MFF: variants seen among roughly 807,000 people sequenced by gnomAD.
The protein encoded by MFF is mitochondrial fission factor, also known as chromosome 2 open reading frame 33.
Under a neutral mutation model 36.9 loss-of-function variants are expected in MFF, and 12 were observed. That is an observed-to-expected ratio of 0.33 (90% CI 0.21 to 0.53). MFF has a LOEUF of 0.53. Among genes scored for constraint, MFF ranks in the 20% least tolerant of loss-of-function variants. The pLI is 0.95. For missense variants in MFF, 348 were observed against 366.6 expected, an observed-to-expected ratio of 0.95 and a Z score of 0.42; for synonymous variants, 99 against 126.2, an observed-to-expected ratio of 0.78 and a Z score of 1.44.
chr2:227,355,642 T>C lies in MFF; in HGVS notation c.660-35T>C, dbSNP rs776013702. 7 of 1,143,150 alleles carry C rather than the reference T, an allele frequency of 6.1e-6. No individual in the cohort carries two copies. In the African/African-American group the frequency reaches 1.3e-4, roughly 22 times the overall value. 70.8% of individuals were successfully genotyped at this position (1,143,150 alleles called of 1,614,324 possible). A position where few individuals can be genotyped will look rare whatever the true frequency, so the allele number is the denominator to read the frequency against. The stretch of plus-strand genomic sequence containing the variant: ...GTGCCATTTACTCTGAGTTCTACTT[T>C]ACTATTCATTTGTATTTCTATCTCT... On this transcript the variant is annotated intron_variant, in intron 7 of 8. Coordinates refer to ENST00000304593, the MANE Select transcript of MFF (RefSeq NM_001277062.2).
rs979897547 is a variant in MFF at position 227,330,513 on chromosome 2, C to G, written c.-40-113C>G. 49 of 682,162 alleles carry G rather than the reference C, an allele frequency of 7.2e-5. No homozygotes were observed. In the South Asian group the frequency reaches 1.0e-3, roughly 14 times the overall value. 42.3% of individuals were successfully genotyped at this position (682,162 alleles called of 1,614,324 possible). On this transcript the variant is annotated intron_variant, in intron 2 of 8. Coordinates refer to ENST00000304593, the MANE Select transcript of MFF (RefSeq NM_001277062.2). ...TTGCTTTGTATGTGTTCAGTACTTG[C>G]AAATGAGAAGTTTCCTTTCGCTCTT...
intron 5 of MFF, among the ~76,000 whole-genome samples, chr2:227,345,184 A>G (rs2075643168): frequency 1.3e-5 from 2 of 152,332 alleles, no homozygotes; most frequent in East Asian, 1.9e-4. Flanking sequence ...GTACTTTTAC[A>G]GTTTAAATAA....
intron 4 of MFF, 85 bp downstream of exon 4, chr2:227,332,673 T>C (rs1036001666): frequency 6.5e-5 from 63 of 966,186 alleles, no homozygotes; most frequent in Non-Finnish European, 9.5e-5. Flanking sequence ...ATCATATCTT[T>C]AGCAATATGT....
chr2:227,350,093 T>TA (rs2075913532), intron 6 of MFF, among the ~76,000 whole-genome samples: 1 of 152,146 alleles, frequency 6.6e-6, no homozygotes. Context: ...TACAAGAATG[T>TA]AGATGATCTA....
chr2:227,354,607 T>C (rs2076168908), intron 7 of MFF, among the ~76,000 whole-genome samples: 1 of 152,238 alleles, frequency 6.6e-6, no homozygotes, highest in Non-Finnish European at 1.5e-5. Flanking sequence ...GGAATGGCGT[T>C]TGTCTTTGTT....
intron 1 of MFF, among the ~76,000 whole-genome samples, chr2:227,326,414 G>A (rs796459815): frequency 1.2e-4 from 18 of 152,078 alleles, no homozygotes; most frequent in African/African-American, 4.3e-4. Context: ...AAATTAGGAC[G>A]ATTTAGTTAT....
chr2:227,335,992 G>A (rs2074972062), intron 4 of MFF, among the ~76,000 whole-genome samples: 2 of 152,224 alleles, frequency 1.3e-5, no homozygotes, highest in African/African-American at 4.8e-5. Context: ...ACAGTTTTCA[G>A]TGTTCCTACA....
intron 1 of MFF, among the ~76,000 whole-genome samples, chr2:227,326,162 G>A (rs2074104734): frequency 1.3e-5 from 2 of 151,488 alleles, no homozygotes; most frequent in Admixed American, 6.6e-5. Context: ...AGAAGCAAAG[G>A]GCATTCTCGA....
intron 8 of MFF, among the ~76,000 whole-genome samples, chr2:227,356,121 C>T (rs543261395): frequency 1.3e-5 from 2 of 152,296 alleles, no homozygotes; most frequent in East Asian, 3.9e-4. Context: ...GCTTGCACAG[C>T]ATCCCTGCAT....
intron 5 of MFF, chr2:227,342,672 G>A: frequency 7.8e-7 from 1 of 1,274,942 alleles, no homozygotes; most frequent in South Asian, 1.3e-5. Context: ...ATTCTAAACA[G>A]TAAAATCAGA....
chr2:227,333,278 A>C (rs1408804847), intron 4 of MFF, among the ~76,000 whole-genome samples: 2 of 152,194 alleles, frequency 1.3e-5, no homozygotes, highest in Non-Finnish European at 2.9e-5. Flanking sequence ...TTCATTTTGC[A>C]TGTAATACTT....
intron 5 of MFF, among the ~76,000 whole-genome samples, chr2:227,341,772 A>G (rs947859162): frequency 1.3e-5 from 2 of 152,152 alleles, no homozygotes; most frequent in African/African-American, 4.8e-5. Context: ...TCCTAAGGCA[A>G]CAAAGATTTC....
rs148216466 is a variant in MFF, at chr2:227,352,568, C to T, written c.654C>T (p.Asn218=). ...AAATSNPHHD[N]VRYGISNIDT... Reference sequence around the variant, plus strand: ...CCACTTCTAATCCTCATCATGACAACGTCAGGTAAATTTTGAGACTTCGTA... The same window carrying T: ...CCACTTCTAATCCTCATCATGACAATGTCAGGTAAATTTTGAGACTTCGTA... The change falls in exon 7 of 9, where the codon AAC becomes AAT. Residue 218 remains asparagine (N), a synonymous_variant. Transcript: ENST00000304593. 6.8e-6 allele frequency: 11 copies of T among 1,613,408 alleles called. No individual in the cohort carries two copies. Among genetic ancestry groups the T allele is most frequent in the Admixed American group, 1.7e-5 (1 of 59,966 alleles).
chr2:227,329,889 T>C, intron 2 of MFF: 1 of 694,592 alleles, frequency 1.4e-6, no homozygotes, highest in Non-Finnish European at 2.4e-6. Context: ...TTTTATCAGC[T>C]TTTGTATTGG....
intron 2 of MFF, chr2:227,330,337 G>A (rs1337667502): frequency 1.0e-5 from 3 of 295,962 alleles, no homozygotes; most frequent in African/African-American, 6.9e-5. Context: ...TTTACGCAGA[G>A]AGTATGTGTG....
At chr2:227,343,145 C>T (rs2075503869) in intron 5 of MFF, among the ~76,000 whole-genome samples, 1 of 151,650 alleles carries the variant, frequency 6.6e-6, no homozygotes, top group Admixed American at 6.6e-5. Flanking sequence ...ACAGATTCAA[C>T]GTCACCTGGT....
At chr2:227,327,946 G>T (rs1215546571) in intron 1 of MFF, among the ~76,000 whole-genome samples, 1 of 152,202 alleles carries the variant, frequency 6.6e-6, no homozygotes, top group Non-Finnish European at 1.5e-5. Flanking sequence ...GATTATAAAG[G>T]TTGCCTGTGG....
chr2:227,330,955 C>T (rs1574893141), intron 3 of MFF, 109 bp downstream of exon 3: 1 of 820,272 alleles, frequency 1.2e-6, no homozygotes, highest in East Asian at 2.7e-5. Context: ...TTGGAAAATG[C>T]AACTTTATAC....
At chr2:227,336,440 A>G (rs1035333662) in intron 4 of MFF, among the ~76,000 whole-genome samples, 1 of 152,246 alleles carries the variant, frequency 6.6e-6, no homozygotes, top group Non-Finnish European at 1.5e-5. Context: ...AACCCCAGAT[A>G]TACACAAGAA....
Sources: gnomAD v4.1 joint callset for allele counts (sites outside exome capture counted in the v4.1 genomes callset) on GRCh38, gnomAD v4.1.1 for gene constraint, MANE v1.5 for transcripts, NCBI Gene and HGNC (gene_info 2026-07-23, HGNC 2026-07-21) for gene names.